CFAP44: variants seen among roughly 807,000 people sequenced by gnomAD.
The protein encoded by CFAP44 is cilia and flagella associated protein 44.
In CFAP44, 134 loss-of-function variants were observed where a neutral mutation model predicts 216.2. The ratio of observed to expected loss-of-function variants is 0.62; its 90% CI spans 0.54 to 0.72. The LOEUF (loss-of-function observed/expected upper bound fraction) is 0.72, where lower values mean the gene tolerates loss of function less well. CFAP44 is among the 30% of genes least tolerant of loss of function. The pLI, the probability that CFAP44 is intolerant of heterozygous loss-of-function variation, is 0.00. For synonymous variants in CFAP44, 700 were observed against 727.6 expected, an observed-to-expected ratio of 0.96 and a Z score of 0.61; for missense variants, 2,035 against 2,182.1, an observed-to-expected ratio of 0.93 and a Z score of 1.34.
intron 26 of CFAP44, among the ~76,000 whole-genome samples, chr3:113,329,343 A>C (rs1950220807): frequency 6.6e-6 from 1 of 152,200 alleles, no homozygotes; most frequent in Non-Finnish European, 1.5e-5. Flanking sequence ...TACTGGTGGA[A>C]GGAAGTCATT....
At chr3:113,380,547 C>G (rs1024033661) in intron 16 of CFAP44, among the ~76,000 whole-genome samples, 5 of 152,146 alleles carry the variant, frequency 3.3e-5, no homozygotes, top group African/African-American at 1.2e-4. Flanking sequence ...CCTCCCACCT[C>G]AGCCTCCCAA....
intron 28 of CFAP44, among the ~76,000 whole-genome samples, chr3:113,324,775 C>G (rs925848018): frequency 6.6e-6 from 1 of 152,134 alleles, no homozygotes; most frequent in African/African-American, 2.4e-5. Context: ...ATAAATAAAA[C>G]TGCCTATATT....
intron 15 of CFAP44, among the ~76,000 whole-genome samples, chr3:113,389,446 G>A (rs113725311): frequency 0.074 from 11,261 of 151,706 alleles, 484 homozygotes; most frequent in East Asian, 0.15. Flanking sequence ...ATAACTAATG[G>A]CATATCTTAA....
At chr3:113,321,542 A>G (rs1950146384) in intron 28 of CFAP44, among the ~76,000 whole-genome samples, 1 of 152,208 alleles carries the variant, frequency 6.6e-6, no homozygotes, top group Non-Finnish European at 1.5e-5. Flanking sequence ...AACAAACAGA[A>G]ATAAAAGGCA....
chr3:113,400,411 C>T, intron 12 of CFAP44, 134 bp downstream of exon 12: 1 of 678,324 alleles, frequency 1.5e-6, no homozygotes, highest in Non-Finnish European at 2.3e-6. Context: ...CTCCACAGCT[C>T]AACTCGCTTG....
At chr3:113,396,316 T>C (rs1346627574) in intron 14 of CFAP44, among the ~76,000 whole-genome samples, 1 of 152,220 alleles carries the variant, frequency 6.6e-6, no homozygotes, top group African/African-American at 2.4e-5. Flanking sequence ...TTAAGTGTTA[T>C]TCACATGCTC....
Position 113,416,598 on chromosome 3 carries a change from T to C in CFAP44, c.600A>G (p.Val200=). 6.2e-7 allele frequency: 1 copy of C among 1,611,872 alleles called. No individual in the cohort carries two copies. The highest frequency in any genetic ancestry group is 1.7e-4 in the Middle Eastern group (1 of 6,048). Residue 200 remains valine (V), a synonymous_variant, in exon 6 of 35, where the codon GTA becomes GTG. Coordinates refer to ENST00000393845, the MANE Select transcript of CFAP44 (RefSeq NM_001164496.2). ...GVHPHKTYFT[V]AEKGSFPDII... ...TATCTGGAAAACTCCCTTTTTCAGC[T>C]ACTGTGAAATAAGTTTTATGTGGAT...
chr3:113,377,210 G>A (rs1454363118), intron 17 of CFAP44, among the ~76,000 whole-genome samples: 1 of 152,144 alleles, frequency 6.6e-6, no homozygotes, highest in Non-Finnish European at 1.5e-5. Context: ...AATATGGCTG[G>A]GCAGTAGAAT....
chr3:113,355,291 C>T (rs547394506), intron 22 of CFAP44, among the ~76,000 whole-genome samples: 9 of 152,158 alleles, frequency 5.9e-5, no homozygotes, highest in Admixed American at 1.3e-4. Flanking sequence ...GAGGCCTAGG[C>T]GGGTGGATCA....
Position 113,379,547 on chromosome 3 carries a change from A to G in CFAP44, c.2057T>C (p.Leu686Ser). 1.3e-6 allele frequency: 2 copies of G among 1,577,818 alleles called. No individual in the cohort carries two copies. Among genetic ancestry groups the G allele is most frequent in the Non-Finnish European group, 1.7e-6 (2 of 1,151,396 alleles). ...TCTCTCCCTCTTTTCAATTTCTATT[A>G]ATCTCTTTTAAAATAAACATTAAGT... ...FSSVKSKILRLIEIEKRERQR... is the reference protein window; with the variant it reads ...FSSVKSKILRSIEIEKRERQR... The change falls in exon 17 of 35, where the codon TTA (leucine) becomes TCA (serine). Residue 686 changes from leucine to serine, a missense_variant. By Grantham distance (145) the Leu-to-Ser change is moderately radical (BLOSUM62 -2). Transcript: ENST00000393845.
At chr3:113,415,222 T>C (rs1420354763) in intron 6 of CFAP44, among the ~76,000 whole-genome samples, 1 of 152,134 alleles carries the variant, frequency 6.6e-6, no homozygotes, top group Non-Finnish European at 1.5e-5. Flanking sequence ...CCTTTATTAC[T>C]TTTTATTGCA....
At chr3:113,367,388 TTCTGCAATATTTGCCA>T (rs1347219065) in intron 18 of CFAP44, among the ~76,000 whole-genome samples, 3 of 152,166 alleles carry the variant, frequency 2.0e-5, no homozygotes, top group African/African-American at 7.2e-5. Flanking sequence ...ATATTTGCTG[TTCTGCAATATTTGCCA>T]TTCTGCAGCC....
chr3:113,300,926 T>C (rs1032091919), intron 32 of CFAP44, among the ~76,000 whole-genome samples: 2 of 152,164 alleles, frequency 1.3e-5, no homozygotes, highest in Non-Finnish European at 2.9e-5. Context: ...GTAATCATTT[T>C]GGAAGATAAT....
intron 28 of CFAP44, among the ~76,000 whole-genome samples, chr3:113,319,522 G>A (rs1950121901): frequency 3.3e-5 from 5 of 152,120 alleles, no homozygotes; most frequent in Admixed American, 3.3e-4. Context: ...GCATTAGACA[G>A]CTCATCAAGG....
intron 1 of CFAP44, among the ~76,000 whole-genome samples, chr3:113,439,586 C>T (rs1935312555): frequency 6.6e-6 from 1 of 152,164 alleles, no homozygotes; most frequent in African/African-American, 2.4e-5. Context: ...ACGCATATTC[C>T]ATTGCAATGC....
At chr3:113,422,201 T>A (rs1184120319) in intron 4 of CFAP44, among the ~76,000 whole-genome samples, 2 of 152,212 alleles carry the variant, frequency 1.3e-5, no homozygotes, top group Non-Finnish European at 2.9e-5. Flanking sequence ...TTGTTCACAA[T>A]AATTTGTTGC....
chr3:113,438,731 C>T (rs1935291065), intron 1 of CFAP44, among the ~76,000 whole-genome samples: 1 of 151,912 alleles, frequency 6.6e-6, no homozygotes, highest in South Asian at 2.1e-4. Context: ...TCCATTTGAC[C>T]CTTATTTTTT....
rs1339246489 is a variant in CFAP44, at chr3:113,341,755, T to C, written c.3426A>G (p.Glu1142=). 10 of 1,487,812 alleles carry C rather than the reference T, an allele frequency of 6.7e-6. No homozygotes were observed. The highest frequency in any genetic ancestry group is 8.0e-6 in the Non-Finnish European group (9 of 1,131,374). 92.2% of individuals were successfully genotyped at this position (1,487,812 alleles called of 1,614,324 possible). ...AQLKIQQRKK[E]WEELYKSKPG... ...AAAAAAAAACTCACAGTTCCTCCCA[T>C]TCTTTTTTTCGCTGTTGAATCTTTA... Residue 1142 remains glutamate (E), a synonymous_variant, in exon 24 of 35, where the codon GAA becomes GAG. Transcript: ENST00000393845.
chr3:113,438,727 T>G (rs1378156983), intron 1 of CFAP44, among the ~76,000 whole-genome samples: 1 of 152,194 alleles, frequency 6.6e-6, no homozygotes, highest in Admixed American at 6.5e-5. Flanking sequence ...TGGATCCATT[T>G]GACCCTTATT....
Sources: allele counts gnomAD v4.1 joint callset (sites outside exome capture counted in the v4.1 genomes callset), GRCh38; gene constraint gnomAD v4.1.1; transcripts MANE v1.5; gene names NCBI Gene and HGNC (gene_info 2026-07-23, HGNC 2026-07-21).